The following PIBF1 variants were observed in gnomAD, a reference collection of about 807,000 sequenced individuals.
PIBF1 encodes progesterone immunomodulatory binding factor 1.
PIBF1 carries 90 observed loss-of-function variants against 112.5 expected under a neutral mutation model. That is an observed-to-expected ratio of 0.80 (90% CI 0.67 to 0.95). The LOEUF (loss-of-function observed/expected upper bound fraction) is 0.95. PIBF1 is among the 40% of genes least tolerant of loss of function. The pLI is 0.00. For synonymous variants in PIBF1, 301 were observed against 288.6 expected, an observed-to-expected ratio of 1.04 and a Z score of -0.44; for missense variants, 915 against 852.3, an observed-to-expected ratio of 1.07 and a Z score of -0.92.
intron 14 of PIBF1, among the ~76,000 whole-genome samples, chr13:72,964,600 G>T (rs1015893760): frequency 6.6e-6 from 1 of 152,020 alleles, no homozygotes; most frequent in African/African-American, 2.4e-5. Flanking sequence ...ATTGAATTAT[G>T]GTGTGAATAT....
At chr13:72,944,175 G>A (rs1271891273) in intron 14 of PIBF1, among the ~76,000 whole-genome samples, 8 of 152,154 alleles carry the variant, frequency 5.3e-5, no homozygotes, top group Admixed American at 4.6e-4. Flanking sequence ...AGCCGGGTGT[G>A]GTGGCTAATG....
chr13:73,013,270 C>T (rs1474852315), intron 17 of PIBF1, among the ~76,000 whole-genome samples: 21 of 129,760 alleles, frequency 1.6e-4, no homozygotes, highest in Admixed American at 4.3e-4. Flanking sequence ...CACTGCACTC[C>T]AGCCTGGGCG....
chr13:72,850,571 C>A (rs1190744780), intron 9 of PIBF1, among the ~76,000 whole-genome samples: 2 of 152,216 alleles, frequency 1.3e-5, no homozygotes, highest in Non-Finnish European at 2.9e-5. Context: ...GCTTCTCCAT[C>A]TACCAATTGA....
At chr13:72,844,606 G>A (rs2037750768) in intron 9 of PIBF1, among the ~76,000 whole-genome samples, 1 of 151,882 alleles carries the variant, frequency 6.6e-6, no homozygotes, top group Non-Finnish European at 1.5e-5. Flanking sequence ...TTCTGTTCCT[G>A]TGTTAGTTTG....
chr13:72,941,259 A>C (rs1223473002), intron 14 of PIBF1, among the ~76,000 whole-genome samples: 2 of 152,162 alleles, frequency 1.3e-5, no homozygotes, highest in East Asian at 3.8e-4. Flanking sequence ...TTTTTTGTGT[A>C]TTTGTGTATA....
At chr13:72,873,747 C>T (rs971190649) in intron 10 of PIBF1, among the ~76,000 whole-genome samples, 1 of 145,564 alleles carries the variant, frequency 6.9e-6, no homozygotes, top group Non-Finnish European at 1.5e-5. Context: ...AAAAGAAAAA[C>T]TCGTTAAATT....
At chr13:72,805,975 A>G (rs556721235) in intron 5 of PIBF1, among the ~76,000 whole-genome samples, 1 of 152,372 alleles carries the variant, frequency 6.6e-6, no homozygotes, top group African/African-American at 2.4e-5. Flanking sequence ...TAAAGAGAAA[A>G]TAGAGAACAA....
chr13:72,917,708 C>T (rs761159925), intron 13 of PIBF1, among the ~76,000 whole-genome samples: 1 of 152,144 alleles, frequency 6.6e-6, no homozygotes. Context: ...TGAATTCAAC[C>T]AACCGCTTAT....
At chr13:72,893,201 G>C (rs368767432) in intron 10 of PIBF1, among the ~76,000 whole-genome samples, 18 of 152,134 alleles carry the variant, frequency 1.2e-4, no homozygotes, top group East Asian at 5.8e-4. Context: ...TTTATTACCG[G>C]TTATACCTAT....
chr13:72,795,717 C>G (rs1000266021), intron 4 of PIBF1, among the ~76,000 whole-genome samples, 160 bp downstream of exon 4: 18 of 152,102 alleles, frequency 1.2e-4, no homozygotes, highest in African/African-American at 4.1e-4. Flanking sequence ...GGATCATGAC[C>G]ATTGATCTCC....
At chr13:73,013,745 A>AAG (rs1566549170) in intron 17 of PIBF1, among the ~76,000 whole-genome samples, 1 of 145,536 alleles carries the variant, frequency 6.9e-6, no homozygotes, top group Non-Finnish European at 1.5e-5. Flanking sequence ...AAAAAAAAAA[A>AAG]AAAAAAAAGA....
At chr13:72,849,747 A>G (rs574308921) in intron 9 of PIBF1, among the ~76,000 whole-genome samples, 2 of 152,358 alleles carry the variant, frequency 1.3e-5, no homozygotes, top group East Asian at 3.9e-4. Context: ...GAGGCAGCAT[A>G]GTATGATTCA....
At chr13:72,902,865 T>C (rs1237584893) in intron 11 of PIBF1, among the ~76,000 whole-genome samples, 1 of 151,934 alleles carries the variant, frequency 6.6e-6, no homozygotes, top group Non-Finnish European at 1.5e-5. Context: ...GTAAAAATCA[T>C]CAATATACAT....
chr13:72,851,672 G>T (rs2038163723), intron 9 of PIBF1, among the ~76,000 whole-genome samples: 1 of 152,244 alleles, frequency 6.6e-6, no homozygotes, highest in Admixed American at 6.5e-5. Flanking sequence ...TGGAGCATGG[G>T]AGCTGCGCCA....
chr13:72,916,209 C>T lies in PIBF1; in HGVS notation c.1640-867C>T, dbSNP rs537842119. ...TTTGAGACCAGCCTGGCCAACATGG[C>T]GAAACCCTGTCTCTACTAAAAATAC... On this transcript the variant is annotated intron_variant, in intron 12 of 17. Coordinates refer to ENST00000326291, the MANE Select transcript of PIBF1 (RefSeq NM_006346.4). 1.1e-4 allele frequency among the ~76,000 whole-genome samples: 16 copies of T among 151,332 alleles called. No individual in the cohort carries two copies. In the South Asian group the frequency reaches 2.9e-3, roughly 28 times the overall value.
chr13:73,001,537 G>A (rs1209817400), intron 17 of PIBF1, among the ~76,000 whole-genome samples: 1 of 145,618 alleles, frequency 6.9e-6, no homozygotes, highest in African/African-American at 2.5e-5. Flanking sequence ...GGGTAATGGA[G>A]TGGGAGCAGT....
chr13:72,971,226 G>T (rs2042883983), intron 15 of PIBF1, among the ~76,000 whole-genome samples: 1 of 150,322 alleles, frequency 6.7e-6, no homozygotes, highest in African/African-American at 2.5e-5. Context: ...GTGTGTGTAT[G>T]CACTGAATGT....
At chr13:72,926,940 A>C (rs2041503520) in intron 13 of PIBF1, among the ~76,000 whole-genome samples, 1 of 152,224 alleles carries the variant, frequency 6.6e-6, no homozygotes, top group African/African-American at 2.4e-5. Flanking sequence ...GGTTTTTAAT[A>C]CATGTTTCTT....
At chr13:72,875,994 A>G (rs1033947077) in intron 10 of PIBF1, among the ~76,000 whole-genome samples, 9 of 152,010 alleles carry the variant, frequency 5.9e-5, no homozygotes, top group African/African-American at 1.9e-4. Context: ...TGTTTTGTCT[A>G]AAAAGTCATG....
Sources: allele counts gnomAD v4.1 joint callset (sites outside exome capture counted in the v4.1 genomes callset), GRCh38; gene constraint gnomAD v4.1.1; transcripts MANE v1.5; gene names NCBI Gene and HGNC (gene_info 2026-07-23, HGNC 2026-07-21).